Variants in NRG1 observed in about 807,000 individuals in gnomAD.
NRG1 encodes neuregulin 1.
In NRG1, 18 loss-of-function variants were observed where a neutral mutation model predicts 63.8. The observed-to-expected ratio is 0.28, with a 90% CI of 0.19 to 0.42. The LOEUF is 0.42. Among genes scored for constraint, NRG1 ranks in the 10% least tolerant of loss-of-function variants. NRG1 has a pLI of 1.00. For synonymous variants in NRG1, 302 were observed against 301.3 expected, an observed-to-expected ratio of 1.00 and a Z score of -0.02; for missense variants, 762 against 814.7, an observed-to-expected ratio of 0.94 and a Z score of 0.79.
chr8:31,864,245 A>C (rs1585348382), intron 1 of NRG1, among the ~76,000 whole-genome samples: 1 of 152,192 alleles, frequency 6.6e-6, no homozygotes, highest in African/African-American at 2.4e-5. Context: ...CTAGCCACTG[A>C]CCAGGTAATG....
chr8:32,524,676 T>C (rs545461836), intron 1 of NRG1, among the ~76,000 whole-genome samples: 126 of 152,256 alleles, frequency 8.3e-4, no homozygotes, highest in Non-Finnish European at 1.5e-3. Context: ...CTGTCTATCA[T>C]GGAAACCGAA....
At chr8:32,012,934 C>T (rs1240976136) in intron 1 of NRG1, among the ~76,000 whole-genome samples, 1 of 151,982 alleles carries the variant, frequency 6.6e-6, no homozygotes, top group African/African-American at 2.4e-5. Flanking sequence ...GCTGAAGCAT[C>T]CACCATGGAG....
At chr8:32,498,961 T>C (rs984885204) in intron 1 of NRG1, among the ~76,000 whole-genome samples, 1 of 152,162 alleles carries the variant, frequency 6.6e-6, no homozygotes, top group Non-Finnish European at 1.5e-5. Context: ...ACCTCCTTCA[T>C]CTCTACCCAG....
chr8:32,205,610 G>A (rs997668986), intron 1 of NRG1, among the ~76,000 whole-genome samples: 3 of 152,116 alleles, frequency 2.0e-5, no homozygotes, highest in African/African-American at 7.2e-5. Context: ...TGCATTAGAT[G>A]ATCCTTTAGA....
chr8:32,706,572 T>TG lies in NRG1; in HGVS notation c.503-21377_503-21376insG, dbSNP rs1816485971. Among the ~76,000 whole-genome samples, 12 of 151,304 alleles carry TG rather than the reference T, an allele frequency of 7.9e-5. No homozygotes were observed. In the South Asian group the frequency reaches 2.1e-3, roughly 26 times the overall value. On this transcript the variant is annotated intron_variant, in intron 5 of 11. Transcript: ENST00000356819. ...ATATAGGTGTGTGTGTGTGTGTGTG[T>TG]TTGTGTGTAATTTTACAAGACTGTA...
intron 1 of NRG1, among the ~76,000 whole-genome samples, chr8:32,220,676 T>C (rs564603533): frequency 3.9e-5 from 6 of 152,260 alleles, no homozygotes; most frequent in African/African-American, 1.4e-4. Context: ...ATGCTGCAGA[T>C]GTGTCACTGT....
intron 1 of NRG1, among the ~76,000 whole-genome samples, chr8:32,384,792 G>A (rs1179835971): frequency 1.3e-5 from 2 of 152,136 alleles, no homozygotes; most frequent in African/African-American, 4.8e-5. Context: ...TGTAAATCTT[G>A]ATGGATTCAA....
chr8:32,312,784 C>CCCTTCCTT (rs143478834), intron 1 of NRG1, among the ~76,000 whole-genome samples: 1,883 of 151,250 alleles, frequency 0.012, 42 homozygotes, highest in African/African-American at 0.043. Flanking sequence ...CTCTCTCCTT[C>CCCTTCCTT]CCTTCCTTCC....
At chr8:32,477,922 G>A (rs1428536878) in intron 1 of NRG1, among the ~76,000 whole-genome samples, 1 of 152,184 alleles carries the variant, frequency 6.6e-6, no homozygotes, top group Non-Finnish European at 1.5e-5. Context: ...GTTTCCCTCT[G>A]TTCCTTTTTG....
At chr8:32,399,751 G>A (rs1429428644) in intron 1 of NRG1, among the ~76,000 whole-genome samples, 5 of 152,164 alleles carry the variant, frequency 3.3e-5, no homozygotes, top group Non-Finnish European at 7.3e-5. Flanking sequence ...ATAACTTTGT[G>A]TAGAGACTTT....
At chr8:32,721,934 A>G in intron 5 of NRG1, 1 of 1,520,252 alleles carries the variant, frequency 6.6e-7, no homozygotes. Flanking sequence ...CCTAATTGCA[A>G]AGGAGCTATA....
chr8:32,216,981 G>C (rs1845297003), intron 1 of NRG1, among the ~76,000 whole-genome samples: 1 of 152,128 alleles, frequency 6.6e-6, no homozygotes, highest in South Asian at 2.1e-4. Flanking sequence ...GGGAGACCAA[G>C]GCGGGAGGAT....
At chr8:32,120,447 A>T (rs1833294488) in intron 1 of NRG1, among the ~76,000 whole-genome samples, 1 of 152,164 alleles carries the variant, frequency 6.6e-6, no homozygotes, top group South Asian at 2.1e-4. Context: ...TTAGGATTAA[A>T]TAAAGTGCTA....
intron 1 of NRG1, among the ~76,000 whole-genome samples, chr8:32,188,353 C>A (rs1410137029): frequency 1.3e-5 from 2 of 152,204 alleles, no homozygotes; most frequent in East Asian, 3.9e-4. Flanking sequence ...AGGCGTGAAC[C>A]ACTACGCCCA....
chr8:32,166,019 C>A (rs974012959), intron 1 of NRG1, among the ~76,000 whole-genome samples: 1 of 152,036 alleles, frequency 6.6e-6, no homozygotes, highest in African/African-American at 2.4e-5. Context: ...CCCTGCTTTA[C>A]CTTAGGTAAA....
chr8:32,359,174 T>C (rs1806879116), intron 1 of NRG1, among the ~76,000 whole-genome samples: 2 of 152,124 alleles, frequency 1.3e-5, no homozygotes, highest in Non-Finnish European at 2.9e-5. Flanking sequence ...GGCGTAATGA[T>C]ACTTATCTTT....
chr8:32,358,721 G>A (rs1469303616), intron 1 of NRG1, among the ~76,000 whole-genome samples: 1 of 152,118 alleles, frequency 6.6e-6, no homozygotes, highest in Non-Finnish European at 1.5e-5. Context: ...AAAGAACTTT[G>A]AGAGATACCA....
At chr8:31,707,063 C>T (rs1811223169) in intron 1 of NRG1, among the ~76,000 whole-genome samples, 1 of 151,716 alleles carries the variant, frequency 6.6e-6, no homozygotes, top group South Asian at 2.1e-4. Flanking sequence ...TTTTCTAGTT[C>T]ATTTTTCTTC....
At chr8:32,521,087 A>G (rs1830294022) in intron 1 of NRG1, among the ~76,000 whole-genome samples, 1 of 152,166 alleles carries the variant, frequency 6.6e-6, no homozygotes, top group Non-Finnish European at 1.5e-5. Context: ...CTAATTTATA[A>G]ACTAAACTTG....
Sources: gnomAD v4.1 joint callset for allele counts (sites outside exome capture counted in the v4.1 genomes callset) on GRCh38, gnomAD v4.1.1 for gene constraint, MANE v1.5 for transcripts, NCBI Gene and HGNC (gene_info 2026-07-23, HGNC 2026-07-21) for gene names.